TRPC6: variants seen among roughly 807,000 people sequenced by gnomAD.
TRPC6 encodes the protein transient receptor potential cation channel subfamily C member 6.
A neutral mutation model predicts 90.7 loss-of-function variants in TRPC6; 55 were observed. That is an observed-to-expected ratio of 0.61 (90% CI 0.49 to 0.76). TRPC6 has a LOEUF of 0.76. Among genes scored for constraint, TRPC6 ranks in the 30% least tolerant of loss-of-function variants. The pLI, the probability that TRPC6 is intolerant of heterozygous loss-of-function variation, is 0.00. For synonymous variants in TRPC6, 393 were observed against 393.0 expected, an observed-to-expected ratio of 1.00 and a Z score of 0.00; for missense variants, 989 against 1,122.7, an observed-to-expected ratio of 0.88 and a Z score of 1.70.
rs192109753 is a variant in TRPC6 at position 101,453,776 on chromosome 11, A to G, written c.2569-51T>C. The G allele has an allele frequency of 2.8e-4, 442 of 1,555,222 alleles. 3 individuals are homozygous for G. The African/African-American group carries it at 5.7e-3, about 20-fold the overall frequency. ...TATGTCAGTTTCAGGTTCATGACAA[A>G]TCTCTCATTTGGAACAAGTTTCAGA... On this transcript the variant is annotated intron_variant, in intron 11 of 12. Transcript: ENST00000344327.
intron 1 of TRPC6, among the ~76,000 whole-genome samples, chr11:101,582,560 C>T (rs1353548725): frequency 2.8e-5 from 2 of 70,304 alleles, no homozygotes; most frequent in Admixed American, 3.6e-4. Flanking sequence ...GCCACCCACC[C>T]AGCTAAAAAA....
At chr11:101,525,977 G>T (rs1030050947) in intron 1 of TRPC6, among the ~76,000 whole-genome samples, 1 of 152,068 alleles carries the variant, frequency 6.6e-6, no homozygotes, top group Non-Finnish European at 1.5e-5. Context: ...CTTTTCTTTG[G>T]GATCCACAGT....
At chr11:101,524,566 T>A (rs540018392) in intron 1 of TRPC6, among the ~76,000 whole-genome samples, 130 of 152,364 alleles carry the variant, frequency 8.5e-4, no homozygotes, top group Admixed American at 4.1e-3. Flanking sequence ...CCCTTAAATT[T>A]AAATGTATTT....
chr11:101,545,271 A>C (rs1453688756), intron 1 of TRPC6, among the ~76,000 whole-genome samples: 2 of 152,202 alleles, frequency 1.3e-5, no homozygotes, highest in East Asian at 3.8e-4. Context: ...CAACTATTAC[A>C]CAGTATTTAC....
chr11:101,555,497 T>A (rs1861543424), intron 1 of TRPC6, among the ~76,000 whole-genome samples: 1 of 152,184 alleles, frequency 6.6e-6, no homozygotes, highest in African/African-American at 2.4e-5. Flanking sequence ...TCGATGTGAG[T>A]CATCTGCTTT....
intron 6 of TRPC6, among the ~76,000 whole-genome samples, chr11:101,474,960 T>C (rs1430543566): frequency 2.0e-5 from 3 of 152,190 alleles, no homozygotes; most frequent in Non-Finnish European, 4.4e-5. Flanking sequence ...CCATGGAAGA[T>C]CTCACTTGAT....
rs546205495 is a variant in TRPC6, at chr11:101,488,845, A to T, written c.1293+92T>A. On this transcript the variant is annotated intron_variant, in intron 4 of 12. Coordinates refer to ENST00000344327, the MANE Select transcript of TRPC6 (RefSeq NM_004621.6). The stretch of plus-strand genomic sequence containing the variant: ...TAAAGATTACTGAAACCCAACTGTG[A>T]TTCCCTGAAATTTTCACTTTGGAGA... The T allele has an allele frequency of 1.6e-5, 23 of 1,427,930 alleles. No individual in the cohort carries two copies. The African/African-American group carries it at 2.7e-4, about 17-fold the overall frequency. The allele number at this position is 1,427,930 out of a possible 1,614,324, so 88.5% of individuals were successfully genotyped here. A position where few individuals can be genotyped will look rare whatever the true frequency, so the allele number is the denominator to read the frequency against.
rs916788911 is a variant in TRPC6 at position 101,507,044 on chromosome 11, CACACACAG to C, written c.171-2254_171-2247del. Among the ~76,000 whole-genome samples the C allele has an allele frequency of 3.4e-5, 5 of 147,696 alleles. 1 individual carries two copies. The highest frequency in any genetic ancestry group is 1.1e-4 in the African/African-American group (4 of 37,636). On this transcript the variant is annotated intron_variant, in intron 1 of 12. Transcript: ENST00000344327. ...ACACACACACACACACACACACACA[CACACACAG>C]ACCCCCTTCATGGTCCCTTATCATT...
intron 3 of TRPC6, among the ~76,000 whole-genome samples, chr11:101,490,091 G>A (rs1859770240): frequency 6.6e-6 from 1 of 152,082 alleles, no homozygotes; most frequent in Non-Finnish European, 1.5e-5. Context: ...AAGAATTTTT[G>A]TTTACGAGTA....
At chr11:101,502,777 C>T (rs1033382592) in intron 2 of TRPC6, among the ~76,000 whole-genome samples, 4 of 152,104 alleles carry the variant, frequency 2.6e-5, no homozygotes, top group African/African-American at 7.2e-5. Flanking sequence ...CAAGCACATA[C>T]TGAGCGTTTC....
intron 1 of TRPC6, among the ~76,000 whole-genome samples, chr11:101,534,806 A>C (rs1860997599): frequency 6.6e-6 from 1 of 152,174 alleles, no homozygotes; most frequent in South Asian, 2.1e-4. Context: ...GTTTATTAGG[A>C]GATTTCTACG....
chr11:101,509,684 T>G (rs1860355315), intron 1 of TRPC6, among the ~76,000 whole-genome samples: 1 of 152,170 alleles, frequency 6.6e-6, no homozygotes, highest in Admixed American at 6.5e-5. Flanking sequence ...TACCTATAAC[T>G]TCTTGAAGGA....
chr11:101,462,205 G>C (rs1389740381), intron 10 of TRPC6, among the ~76,000 whole-genome samples: 1 of 149,314 alleles, frequency 6.7e-6, no homozygotes, highest in African/African-American at 2.5e-5. Context: ...CATGCTGTTT[G>C]GTTACTGTAG....
chr11:101,511,972 G>A (rs1222062995), intron 1 of TRPC6, among the ~76,000 whole-genome samples: 2 of 151,998 alleles, frequency 1.3e-5, no homozygotes, highest in Non-Finnish European at 2.9e-5. Context: ...CAGCCTGGGC[G>A]ACAGAGCAAG....
intron 1 of TRPC6, among the ~76,000 whole-genome samples, chr11:101,525,135 T>C (rs953790413): frequency 6.6e-6 from 1 of 152,218 alleles, no homozygotes; most frequent in Non-Finnish European, 1.5e-5. Context: ...ATGAAAAGTA[T>C]CAAAGTACTA....
chr11:101,553,855 C>T (rs910492421), intron 1 of TRPC6, among the ~76,000 whole-genome samples: 8 of 151,948 alleles, frequency 5.3e-5, no homozygotes, highest in Non-Finnish European at 1.2e-4. Flanking sequence ...ATACCAAGCT[C>T]AGTAATAGGG....
intron 4 of TRPC6, among the ~76,000 whole-genome samples, chr11:101,486,173 C>A (rs535259502): frequency 1.3e-5 from 2 of 152,112 alleles, no homozygotes; most frequent in Non-Finnish European, 2.9e-5. Context: ...AACCTCGTAG[C>A]CTTTATTTTT....
At chr11:101,514,304 A>G (rs1007652122) in intron 1 of TRPC6, among the ~76,000 whole-genome samples, 13 of 152,212 alleles carry the variant, frequency 8.5e-5, no homozygotes, top group Non-Finnish European at 1.9e-4. Flanking sequence ...GCAAAAGACT[A>G]CAGGGTGATG....
intron 1 of TRPC6, among the ~76,000 whole-genome samples, chr11:101,523,910 C>T (rs1293453446): frequency 6.6e-6 from 1 of 152,190 alleles, no homozygotes; most frequent in Non-Finnish European, 1.5e-5. Flanking sequence ...TCCCTGCCTA[C>T]ATTTTAGTAA....
Sources: gnomAD v4.1 joint callset for allele counts (sites outside exome capture counted in the v4.1 genomes callset) on GRCh38, gnomAD v4.1.1 for gene constraint, MANE v1.5 for transcripts, NCBI Gene and HGNC (gene_info 2026-07-23, HGNC 2026-07-21) for gene names.